The following GPR141 variants were observed in gnomAD, a reference collection of about 807,000 sequenced individuals.
The protein encoded by GPR141 is G protein-coupled receptor 141.
Under a neutral mutation model 6.8 loss-of-function variants are expected in GPR141, and 6 were observed. The observed-to-expected ratio is 0.88, with a 90% CI of 0.48 to 1.74. The LOEUF is 1.74. Among genes scored for constraint, GPR141 ranks in the 40% most tolerant of loss-of-function variants. The pLI is 0.01. For missense variants in GPR141, 372 were observed against 372.9 expected (o/e 1.00, Z 0.02); for synonymous variants, 140 against 142.3 (o/e 0.98, Z 0.11).
intron 2 of GPR141, among the ~76,000 whole-genome samples, chr7:37,685,816 A>T (rs1391491080): frequency 6.7e-6 from 1 of 149,846 alleles, no homozygotes; most frequent in Non-Finnish European, 1.5e-5. Flanking sequence ...AGTGGTCCAA[A>T]ATCCAATTGT....
chr7:37,705,728 T>C (rs1398696098), intron 2 of GPR141, among the ~76,000 whole-genome samples: 1 of 152,106 alleles, frequency 6.6e-6, no homozygotes. Flanking sequence ...CTATTGAAAA[T>C]ATTTGGAGAG....
In GPR141 at chr7:37,740,791, T is replaced by C. The variant is rs143977202; in HGVS notation, c.398T>C (p.Val133Ala). The change falls in exon 3 of 3, where the codon GTG becomes GCG. Residue 133 changes from valine (V) to alanine (A), a missense_variant. Transcript: ENST00000334425. Reference protein sequence around the residue: ...KVEFYRKLHAVAASAGMWTLV... With the variant: ...KVEFYRKLHAAAASAGMWTLV... The stretch of plus-strand genomic sequence containing the variant: ...GAATTCTACAGAAAACTGCATGCTG[T>C]GGCTGCCAGTGCTGGCATGTGGACG... 5.0e-6 allele frequency: 8 copies of C among 1,614,028 alleles called. No homozygotes were observed. The highest frequency in any genetic ancestry group is 6.8e-6 in the Non-Finnish European group (8 of 1,179,986).
intron 2 of GPR141, among the ~76,000 whole-genome samples, chr7:37,736,072 A>G (rs1249984004): frequency 6.6e-6 from 1 of 152,122 alleles, no homozygotes; most frequent in African/African-American, 2.4e-5. Flanking sequence ...CAGACGGACC[A>G]ACATGGTGAA....
chr7:37,740,949 G>A lies in GPR141; in HGVS notation c.556G>A (p.Val186Ile). 1 of 1,614,000 alleles carries A rather than the reference G, an allele frequency of 6.2e-7. No homozygotes were observed. Among genetic ancestry groups the A allele is most frequent in the Non-Finnish European group, 8.5e-7 (1 of 1,179,884 alleles). ...TYVKIINYMI[V>I]IFVIAVAVIL... ...TGTGAAAATCATCAACTATATGATA[G>A]TCATTTTTGTCATAGCCGTTGCTGT... The change falls in exon 3 of 3, where the codon GTC (valine) becomes ATC (isoleucine). Residue 186 changes from valine (V) to isoleucine (I), a missense_variant. By Grantham distance (29) the Val-to-Ile change is conservative. Transcript: ENST00000334425.
intron 2 of GPR141, among the ~76,000 whole-genome samples, chr7:37,720,738 CAAAA>C (rs543342332): frequency 5.1e-5 from 3 of 58,674 alleles, no homozygotes; most frequent in Admixed American, 1.8e-4. Flanking sequence ...GACTCCGTCT[CAAAA>C]AAAAAAAAAA....
At chr7:37,723,471 G>A (rs1350737688) in intron 2 of GPR141, among the ~76,000 whole-genome samples, 5 of 152,086 alleles carry the variant, frequency 3.3e-5, no homozygotes, top group African/African-American at 1.2e-4. Context: ...TGAAATGCCT[G>A]AAGTGGACAT....
chr7:37,736,306 A>G (rs1172453509), intron 2 of GPR141, among the ~76,000 whole-genome samples: 1 of 152,114 alleles, frequency 6.6e-6, no homozygotes, highest in Non-Finnish European at 1.5e-5. Flanking sequence ...TGAAATGTAT[A>G]TAAAATTCAG....
chr7:37,701,964 TC>T (rs1318288611), intron 2 of GPR141, among the ~76,000 whole-genome samples: 1 of 152,218 alleles, frequency 6.6e-6, no homozygotes, highest in African/African-American at 2.4e-5. Flanking sequence ...CTTTTCCCTT[TC>T]AACAGGCTGT....
chr7:37,722,335 A>C (rs562766660), intron 2 of GPR141, among the ~76,000 whole-genome samples: 1 of 152,214 alleles, frequency 6.6e-6, no homozygotes, highest in African/African-American at 2.4e-5. Context: ...TTGCATCTGC[A>C]GTCCCAGCTA....
At chr7:37,737,644 C>A (rs1379580442) in intron 2 of GPR141, among the ~76,000 whole-genome samples, 3 of 151,910 alleles carry the variant, frequency 2.0e-5, no homozygotes, top group East Asian at 1.9e-4. Context: ...CAAGAAAATT[C>A]TTCTTCTTCC....
intron 2 of GPR141, among the ~76,000 whole-genome samples, chr7:37,723,701 A>G (rs910294209): frequency 2.0e-5 from 3 of 152,166 alleles, no homozygotes; most frequent in African/African-American, 4.8e-5. Flanking sequence ...ATGTCCGTAT[A>G]GACATGTTTC....
At chr7:37,722,485 G>A (rs1458168612) in intron 2 of GPR141, among the ~76,000 whole-genome samples, 1 of 151,678 alleles carries the variant, frequency 6.6e-6, no homozygotes, top group African/African-American at 2.4e-5. Context: ...ACTTTGGGAG[G>A]CCAAGGTGGG....
In GPR141 at chr7:37,742,800, A is replaced by G. The variant is rs1026359986; in HGVS notation, c.*1489A>G. 5.3e-5 allele frequency among the ~76,000 whole-genome samples: 8 copies of G among 152,298 alleles called. No individual in the cohort carries two copies. The highest frequency in any genetic ancestry group is 1.9e-4 in the African/African-American group (8 of 41,580). Reference sequence around the variant, plus strand: ...ATAATCTGTACAACAAACTCCCATGACACATGTTTACCTATGTAACAAACC... The same window carrying G: ...ATAATCTGTACAACAAACTCCCATGGCACATGTTTACCTATGTAACAAACC... On this transcript the variant is annotated 3_prime_UTR_variant, in exon 3 of 3. Transcript: ENST00000334425.
chr7:37,735,099 T>C (rs1812169051), intron 2 of GPR141, among the ~76,000 whole-genome samples: 2 of 152,152 alleles, frequency 1.3e-5, no homozygotes, highest in Non-Finnish European at 2.9e-5. Context: ...TGCATCTTCA[T>C]GGGATGGAAG....
intron 2 of GPR141, among the ~76,000 whole-genome samples, chr7:37,731,616 CT>C (rs59623964): frequency 6.6e-6 from 1 of 151,248 alleles, no homozygotes; most frequent in African/African-American, 2.4e-5. Context: ...GCTAATTTTT[CT>C]TTTTTTTTGT....
At chr7:37,723,956 A>G (rs1811485880) in intron 2 of GPR141, among the ~76,000 whole-genome samples, 1 of 152,212 alleles carries the variant, frequency 6.6e-6, no homozygotes, top group Admixed American at 6.5e-5. Flanking sequence ...AGACCTACAG[A>G]TCTATGCAAG....
chr7:37,702,232 T>C (rs1005536609), intron 2 of GPR141, among the ~76,000 whole-genome samples: 1 of 152,190 alleles, frequency 6.6e-6, no homozygotes, highest in Admixed American at 6.5e-5. Flanking sequence ...TATATATTGA[T>C]AAAATGTACA....
chr7:37,697,937 T>C (rs1810099355), intron 2 of GPR141, among the ~76,000 whole-genome samples: 1 of 152,168 alleles, frequency 6.6e-6, no homozygotes, highest in Non-Finnish European at 1.5e-5. Flanking sequence ...GGGCTTAAGT[T>C]TAAGAGAAGG....
At chr7:37,684,683 C>A (rs1347183856) in intron 1 of GPR141, among the ~76,000 whole-genome samples, 1 of 152,054 alleles carries the variant, frequency 6.6e-6, no homozygotes, top group African/African-American at 2.4e-5. Context: ...AATTTTGTTT[C>A]TTTTACAAAT....
Sources: gnomAD v4.1 joint callset for allele counts (sites outside exome capture counted in the v4.1 genomes callset) on GRCh38, gnomAD v4.1.1 for gene constraint, MANE v1.5 for transcripts, NCBI Gene and HGNC (gene_info 2026-07-23, HGNC 2026-07-21) for gene names.